Variants in TRIQK observed in about 807,000 individuals in gnomAD.
TRIQK encodes triple QxxK/R motif-containing protein.
A neutral mutation model predicts 10.8 loss-of-function variants in TRIQK; 10 were observed. That is an observed-to-expected ratio of 0.92 (90% CI 0.57 to 1.57). TRIQK has a LOEUF of 1.57. TRIQK is among the 40% of genes most tolerant of loss of function. TRIQK has a pLI of 0.00. For missense variants in TRIQK, 107 were observed against 97.7 expected (o/e 1.09, Z -0.40); for synonymous variants, 33 against 33.7 (o/e 0.98, Z 0.07).
At chr8:92,944,960 G>A (rs1248616604) in intron 2 of TRIQK, among the ~76,000 whole-genome samples, 1 of 151,890 alleles carries the variant, frequency 6.6e-6, no homozygotes, top group Non-Finnish European at 1.5e-5. Context: ...ACATCTTACT[G>A]TACCCTATAA....
At chr8:92,998,880 C>G (rs546858736) in intron 1 of TRIQK, among the ~76,000 whole-genome samples, 1 of 151,966 alleles carries the variant, frequency 6.6e-6, no homozygotes, top group Non-Finnish European at 1.5e-5. Flanking sequence ...AGAAAGAACA[C>G]TTCAGAGGTT....
chr8:92,888,804 G>T (rs1816613222), intron 4 of TRIQK, among the ~76,000 whole-genome samples: 1 of 151,474 alleles, frequency 6.6e-6, no homozygotes, highest in African/African-American at 2.4e-5. Flanking sequence ...CTAAACTTGT[G>T]ATCCTTATTC....
chr8:92,998,616 T>G (rs1010596278), intron 1 of TRIQK, among the ~76,000 whole-genome samples: 2 of 152,088 alleles, frequency 1.3e-5, no homozygotes, highest in African/African-American at 4.8e-5. Flanking sequence ...TAGGTAAGTA[T>G]GTAATTACAG....
intron 3 of TRIQK, among the ~76,000 whole-genome samples, chr8:92,902,045 T>C (rs1044712610): frequency 6.6e-6 from 1 of 152,138 alleles, no homozygotes; most frequent in African/African-American, 2.4e-5. Flanking sequence ...CCAAAGTAGC[T>C]TGTATTTTTT....
chr8:92,988,859 G>A (rs1462628254), intron 1 of TRIQK, among the ~76,000 whole-genome samples: 8 of 152,026 alleles, frequency 5.3e-5, no homozygotes, highest in Non-Finnish European at 1.2e-4. Flanking sequence ...ATATTGAACT[G>A]CATATCATAA....
intron 1 of TRIQK, among the ~76,000 whole-genome samples, chr8:92,963,150 G>A (rs1812544999): frequency 6.6e-6 from 1 of 152,190 alleles, no homozygotes. Context: ...TAAAGAAAGA[G>A]TCAAGTACCA....
Position 92,885,508 on chromosome 8 carries a change from G to A in TRIQK, c.*1114C>T, listed in dbSNP as rs1816433326. 6.6e-6 allele frequency: 1 copy of A among 152,196 alleles called. No homozygotes were observed. Among genetic ancestry groups the A allele is most frequent in the South Asian group, 2.1e-4 (1 of 4,872 alleles). 9.4% of individuals were successfully genotyped at this position (152,196 alleles called of 1,614,324 possible). On this transcript the variant is annotated 3_prime_UTR_variant, in exon 5 of 5. Transcript: ENST00000521988. ...TTTTCCAGTTTTCTAAGGTTTATGT[G>A]TTCAAGCATTGTAAAAACATATTTA...
intron 2 of TRIQK, among the ~76,000 whole-genome samples, chr8:92,928,257 C>A (rs1021465627): frequency 3.3e-5 from 5 of 152,078 alleles, no homozygotes; most frequent in African/African-American, 1.2e-4. Context: ...CTCAAAACTG[C>A]AATGAGTACT....
chr8:92,889,285 G>T (rs969276486), intron 4 of TRIQK, among the ~76,000 whole-genome samples: 22 of 151,480 alleles, frequency 1.5e-4, no homozygotes, highest in Non-Finnish European at 2.7e-4. Context: ...CAGTACTGTT[G>T]ATTTGATATG....
chr8:92,964,430 A>G (rs1812623109), intron 1 of TRIQK, among the ~76,000 whole-genome samples: 1 of 149,136 alleles, frequency 6.7e-6, no homozygotes, highest in African/African-American at 2.5e-5. Context: ...TTAAAAGGTA[A>G]TGTTTCCCAA....
intron 2 of TRIQK, among the ~76,000 whole-genome samples, chr8:92,932,084 G>C (rs1015654374): frequency 1.3e-5 from 2 of 152,220 alleles, no homozygotes; most frequent in Admixed American, 1.3e-4. Flanking sequence ...CAGCTTCCAA[G>C]TCAGCACTTT....
chr8:92,949,894 AAAG>A (rs1161618280), intron 2 of TRIQK, among the ~76,000 whole-genome samples: 1 of 151,812 alleles, frequency 6.6e-6, no homozygotes, highest in Non-Finnish European at 1.5e-5. Context: ...GGAAGGAAGG[AAAG>A]AAAGAAAAAA....
In TRIQK at chr8:92,886,729, C is replaced by G. The variant is rs1282669148; in HGVS notation, c.154G>C (p.Gly52Arg). 6.6e-7 allele frequency: 1 copy of G among 1,522,432 alleles called. No individual in the cohort carries two copies. Among genetic ancestry groups the G allele is most frequent in the African/African-American group, 1.4e-5 (1 of 72,200 alleles). 94.3% of individuals were successfully genotyped at this position (1,522,432 alleles called of 1,614,324 possible). A position where few individuals can be genotyped will look rare whatever the true frequency, so the allele number is the denominator to read the frequency against. ...KKTAIGIKEVGLVLAAILALL... is the reference protein window; with the variant it reads ...KKTAIGIKEVRLVLAAILALL... The stretch of plus-strand genomic sequence containing the variant: ...GCCAATATAGCTGCAAGTACAAGGC[C>G]AACTTCCTGGGAAGAAAAAAAAAGT... Residue 52 changes from glycine to arginine, a missense_variant, in exon 5 of 5, where the codon GGC becomes CGC. Gly to Arg is a moderately radical substitution (Grantham distance 125). Transcript: ENST00000521988.
intron 1 of TRIQK, among the ~76,000 whole-genome samples, chr8:93,007,552 T>C (rs1813286890): frequency 6.6e-6 from 1 of 152,280 alleles, no homozygotes; most frequent in East Asian, 1.9e-4. Flanking sequence ...AGAAGTAGGC[T>C]TCAGAAGGTG....
chr8:92,957,495 G>A (rs973008506), intron 1 of TRIQK, among the ~76,000 whole-genome samples: 1 of 151,766 alleles, frequency 6.6e-6, no homozygotes, highest in Non-Finnish European at 1.5e-5. Flanking sequence ...AAGGTTCAAA[G>A]GGGATATGTT....
chr8:92,911,530 G>A (rs1809565872), intron 3 of TRIQK, among the ~76,000 whole-genome samples: 5 of 151,256 alleles, frequency 3.3e-5, no homozygotes, highest in African/African-American at 1.2e-4. Context: ...GTCTATAAAA[G>A]ACTAGCTTTA....
intron 1 of TRIQK, among the ~76,000 whole-genome samples, chr8:93,008,619 A>C (rs1402286229): frequency 6.6e-6 from 1 of 152,218 alleles, no homozygotes; most frequent in Non-Finnish European, 1.5e-5. Context: ...ACAGCACAGT[A>C]CTGGCATAAA....
chr8:92,961,418 G>C (rs773997953), intron 1 of TRIQK, among the ~76,000 whole-genome samples: 2 of 152,010 alleles, frequency 1.3e-5, no homozygotes, highest in East Asian at 3.9e-4. Context: ...GAGAGATTCA[G>C]TACTATATAC....
intron 2 of TRIQK, chr8:92,953,302 G>A (rs1191664260): frequency 6.6e-6 from 1 of 151,838 alleles, no homozygotes; most frequent in Non-Finnish European, 1.5e-5. Context: ...ACTCATCAAG[G>A]GCCAGGGGCC....
Sources: allele counts gnomAD v4.1 joint callset (sites outside exome capture counted in the v4.1 genomes callset), GRCh38; gene constraint gnomAD v4.1.1; transcripts MANE v1.5; gene names NCBI Gene and HGNC (gene_info 2026-07-23, HGNC 2026-07-21).